The following MGAT4C variants were observed in gnomAD, a reference collection of about 807,000 sequenced individuals.
MGAT4C encodes the protein MGAT4 family member C.
In MGAT4C, 19 loss-of-function variants were observed where a neutral mutation model predicts 40.1. The ratio of observed to expected loss-of-function variants is 0.47; its 90% CI spans 0.33 to 0.70. MGAT4C has a LOEUF of 0.70. MGAT4C is among the 30% of genes least tolerant of loss of function. The pLI is 0.02. For missense variants in MGAT4C, 491 were observed against 563.2 expected (o/e 0.87, Z 1.30); for synonymous variants, 181 against 187.1 (o/e 0.97, Z 0.27).
chr12:86,425,291 T>C (rs568925531), intron 3 of MGAT4C, among the ~76,000 whole-genome samples: 30 of 152,274 alleles, frequency 2.0e-4, no homozygotes, highest in African/African-American at 7.0e-4. Context: ...GGGAGGGACC[T>C]GGTGGGAAGT....
chr12:86,445,197 C>T (rs376387008), intron 2 of MGAT4C, among the ~76,000 whole-genome samples: 2 of 152,110 alleles, frequency 1.3e-5, no homozygotes, highest in African/African-American at 2.4e-5. Context: ...GCCAATTATA[C>T]TGCAAATATG....
Position 86,757,955 on chromosome 12 carries a change from A to G in MGAT4C, c.-261-30714T>C, listed in dbSNP as rs139381294. On this transcript the variant is annotated intron_variant, in intron 1 of 7. Transcript: ENST00000548651. ...CTTAAATTCAGTTACCATGGAACCA[A>G]TGGATATCACATATAGTATCCTGAG... is the stretch of plus-strand genomic sequence containing the variant. Among the ~76,000 whole-genome samples the G allele has an allele frequency of 4.8e-4, 73 of 152,302 alleles. No homozygotes were observed. The East Asian group carries it at 0.013, about 27-fold the overall frequency.
At chr12:86,134,961 T>C (rs1260437156) in intron 1 of MGAT4C, among the ~76,000 whole-genome samples, 1 of 152,118 alleles carries the variant, frequency 6.6e-6, no homozygotes, top group Non-Finnish European at 1.5e-5. Flanking sequence ...GTATTTCAAA[T>C]CACCAGGAAC....
chr12:86,644,551 C>T (rs1244010654), intron 2 of MGAT4C, among the ~76,000 whole-genome samples: 1 of 151,670 alleles, frequency 6.6e-6, no homozygotes, highest in Non-Finnish European at 1.5e-5. Flanking sequence ...TAAAAATAGA[C>T]ATATACATAC....
At chr12:86,138,477 C>CCATATATATATTTCCATATGTATAT (rs1882304413) in intron 1 of MGAT4C, among the ~76,000 whole-genome samples, 5 of 125,058 alleles carry the variant, frequency 4.0e-5, no homozygotes, top group Non-Finnish European at 6.5e-5. Flanking sequence ...CCATATATAT[C>CCATATATATATTTCCATATGTATAT]CATATATATA....
At chr12:86,814,411 T>C (rs1312659927) in intron 1 of MGAT4C, among the ~76,000 whole-genome samples, 2 of 143,428 alleles carry the variant, frequency 1.4e-5, no homozygotes, top group East Asian at 4.0e-4. Context: ...TATATACATA[T>C]ACATATATAT....
At chr12:86,729,976 C>T (rs143242437) in intron 1 of MGAT4C, among the ~76,000 whole-genome samples, 1 of 152,070 alleles carries the variant, frequency 6.6e-6, no homozygotes, top group African/African-American at 2.4e-5. Context: ...TTAATCATGG[C>T]ATAGTTTCTT....
chr12:86,356,075 A>T (rs1215332160), intron 3 of MGAT4C, among the ~76,000 whole-genome samples: 1 of 152,128 alleles, frequency 6.6e-6, no homozygotes, highest in African/African-American at 2.4e-5. Context: ...CAGAGTGAAA[A>T]ATTATATTTA....
chr12:86,511,872 A>G (rs1275972963), intron 2 of MGAT4C, among the ~76,000 whole-genome samples: 1 of 152,154 alleles, frequency 6.6e-6, no homozygotes, highest in African/African-American at 2.4e-5. Context: ...AACATTGGCA[A>G]CAAAAGTAAA....
At chr12:86,803,232 A>G (rs1952268487) in intron 1 of MGAT4C, among the ~76,000 whole-genome samples, 1 of 150,504 alleles carries the variant, frequency 6.6e-6, no homozygotes, top group Non-Finnish European at 1.5e-5. Flanking sequence ...CTGAAACTGG[A>G]TCCCTCCCTT....
intron 2 of MGAT4C, among the ~76,000 whole-genome samples, chr12:86,485,567 G>C (rs1293991502): frequency 1.3e-5 from 2 of 152,078 alleles, no homozygotes; most frequent in Non-Finnish European, 2.9e-5. Context: ...AAATCTTCAA[G>C]AAATATGGGA....
intron 1 of MGAT4C, among the ~76,000 whole-genome samples, chr12:86,118,147 G>A (rs748850173): frequency 6.6e-4 from 101 of 152,260 alleles, no homozygotes; most frequent in Non-Finnish European, 1.2e-3. Context: ...TATTTCCCAA[G>A]GGGATCGAAT....
chr12:86,144,832 TG>T (rs1044909967), intron 1 of MGAT4C, among the ~76,000 whole-genome samples: 22 of 152,140 alleles, frequency 1.4e-4, no homozygotes, highest in African/African-American at 5.3e-4. Context: ...AACCAGTCCT[TG>T]GAGATTTTAA....
intron 3 of MGAT4C, among the ~76,000 whole-genome samples, chr12:86,348,240 A>C (rs1414915960): frequency 6.6e-6 from 1 of 152,148 alleles, no homozygotes; most frequent in African/African-American, 2.4e-5. Context: ...TTGTTCATAG[A>C]GGACTCAAAT....
At chr12:86,507,806 T>C (rs913247510) in intron 2 of MGAT4C, among the ~76,000 whole-genome samples, 1 of 152,166 alleles carries the variant, frequency 6.6e-6, no homozygotes, top group Admixed American at 6.6e-5. Flanking sequence ...TTTTAATTAT[T>C]CTAGTTTTAA....
rs558573260 is a variant in MGAT4C, at chr12:86,475,822, G to A, written c.-228-40557C>T. 1.7e-4 allele frequency among the ~76,000 whole-genome samples: 26 copies of A among 152,056 alleles called. No homozygotes were observed. The South Asian group carries it at 5.0e-3, about 29-fold the overall frequency. ...TGATACAAAGTAAGCATGATAAACTGTCATGAATTTTAAACTATTTAATTA... is the reference window on the plus strand; with the variant it reads ...TGATACAAAGTAAGCATGATAAACTATCATGAATTTTAAACTATTTAATTA... On this transcript the variant is annotated intron_variant, in intron 2 of 7. Coordinates refer to the MGAT4C transcript ENST00000548651.
At chr12:86,315,526 C>A (rs1321276779) in intron 4 of MGAT4C, among the ~76,000 whole-genome samples, 2 of 139,246 alleles carry the variant, frequency 1.4e-5, no homozygotes, top group East Asian at 4.4e-4. Flanking sequence ...CACGGTGAAA[C>A]CCCGTCTCTA....
chr12:86,814,274 G>GTA (rs1491329149), intron 1 of MGAT4C, among the ~76,000 whole-genome samples: 2 of 105,088 alleles, frequency 1.9e-5, no homozygotes, highest in Non-Finnish European at 4.0e-5. Context: ...ATACATATAC[G>GTA]TATATATATA....
At chr12:86,314,112 C>A (rs1016990595) in intron 4 of MGAT4C, among the ~76,000 whole-genome samples, 12 of 152,190 alleles carry the variant, frequency 7.9e-5, no homozygotes, top group Admixed American at 6.5e-4. Context: ...TGTCAGCTTT[C>A]TCAAATATCG....
Sources: allele counts gnomAD v4.1 joint callset (sites outside exome capture counted in the v4.1 genomes callset), GRCh38; gene constraint gnomAD v4.1.1; transcripts MANE v1.5; gene names NCBI Gene and HGNC (gene_info 2026-07-23, HGNC 2026-07-21).